PPP1R14C: variants seen among roughly 807,000 people sequenced by gnomAD.
PPP1R14C encodes the protein protein phosphatase 1 regulatory inhibitor subunit 14C, also known as protein phosphatase 1 regulatory subunit 14C.
Under a neutral mutation model 20.4 loss-of-function variants are expected in PPP1R14C, and 16 were observed. The ratio of observed to expected loss-of-function variants is 0.78; its 90% CI spans 0.53 to 1.19. The LOEUF (loss-of-function observed/expected upper bound fraction) is 1.19, where lower values mean the gene tolerates loss of function less well. Ranked by LOEUF, PPP1R14C falls within the 50% of genes most tolerant of loss-of-function variation. The probability of loss-of-function intolerance (pLI) is 0.00; values close to 1 mark genes in which losing one functional copy is unlikely to be tolerated. For missense variants in PPP1R14C, 211 were observed against 220.1 expected, an observed-to-expected ratio of 0.96 and a Z score of 0.26; for synonymous variants, 91 against 91.0, an observed-to-expected ratio of 1.00 and a Z score of 0.00.
intron 1 of PPP1R14C, among the ~76,000 whole-genome samples, chr6:150,179,148 G>A (rs1777593484): frequency 6.6e-6 from 1 of 152,170 alleles, no homozygotes; most frequent in Non-Finnish European, 1.5e-5. Flanking sequence ...GCTCATACCT[G>A]TAGTCCCAGC....
At chr6:150,215,780 C>A (rs2114911296) in intron 2 of PPP1R14C, among the ~76,000 whole-genome samples, 2 of 152,208 alleles carry the variant, frequency 1.3e-5, no homozygotes, top group Non-Finnish European at 2.9e-5. Context: ...AGTTTTTAAG[C>A]TATCATCACC....
At chr6:150,182,740 T>C (rs922034614) in intron 1 of PPP1R14C, among the ~76,000 whole-genome samples, 1 of 152,198 alleles carries the variant, frequency 6.6e-6, no homozygotes, top group African/African-American at 2.4e-5. Flanking sequence ...GTAGGTACAA[T>C]AGCCAGCCAT....
At chr6:150,170,488 A>C (rs1582901808) in intron 1 of PPP1R14C, among the ~76,000 whole-genome samples, 1 of 151,994 alleles carries the variant, frequency 6.6e-6, no homozygotes, top group African/African-American at 2.4e-5. Context: ...TGCCTGGCTA[A>C]TTTTTTTGTA....
At chr6:150,171,447 G>A (rs1365879241) in intron 1 of PPP1R14C, among the ~76,000 whole-genome samples, 3 of 152,148 alleles carry the variant, frequency 2.0e-5, no homozygotes, top group Non-Finnish European at 2.9e-5. Flanking sequence ...AAAGAGACCC[G>A]AGAGATCTTC....
At chr6:150,241,338 G>C (rs955774043) in intron 3 of PPP1R14C, among the ~76,000 whole-genome samples, 1 of 152,154 alleles carries the variant, frequency 6.6e-6, no homozygotes, top group African/African-American at 2.4e-5. Context: ...TTCATCTGCT[G>C]TTCATCTGTA....
intron 3 of PPP1R14C, among the ~76,000 whole-genome samples, chr6:150,222,247 A>C (rs1286200397): frequency 6.6e-6 from 1 of 150,686 alleles, no homozygotes; most frequent in Non-Finnish European, 1.5e-5. Flanking sequence ...GACATTTGTT[A>C]AATTCTTCAT....
At chr6:150,147,564 A>G (rs1340544292) in intron 1 of PPP1R14C, among the ~76,000 whole-genome samples, 3 of 152,212 alleles carry the variant, frequency 2.0e-5, no homozygotes, top group Admixed American at 6.5e-5. Flanking sequence ...GATAAGTCAT[A>G]TGAATATTTC....
intron 1 of PPP1R14C, among the ~76,000 whole-genome samples, chr6:150,202,280 T>C (rs967408379): frequency 2.0e-5 from 3 of 152,210 alleles, no homozygotes; most frequent in Admixed American, 2.0e-4. Flanking sequence ...GTCCCTCCCC[T>C]GTACCCCCAC....
At chr6:150,188,523 A>G (rs6921700) in intron 1 of PPP1R14C, among the ~76,000 whole-genome samples, 104,970 of 141,336 alleles carry the variant, frequency 0.74, 39,554 homozygotes, top group African/African-American at 0.9. Context: ...GTCTCGCCCT[A>G]TTGCCCAGGC....
chr6:150,247,606 A>C (rs1241044834), intron 3 of PPP1R14C, among the ~76,000 whole-genome samples: 2 of 152,220 alleles, frequency 1.3e-5, no homozygotes. Flanking sequence ...AGTATCCTGT[A>C]AGTTTTAATT....
At position 150,143,520 on chromosome 6, in the gene PPP1R14C, AG is replaced by A; in HGVS notation, c.306+25del. 3.1e-6 allele frequency: 2 copies of A among 645,620 alleles called. No individual in the cohort carries two copies. The highest frequency in any genetic ancestry group is 5.3e-6 in the Non-Finnish European group (2 of 375,100). The allele number at this position is 645,620 out of a possible 1,614,324, so 40.0% of individuals were successfully genotyped here. A position where few individuals can be genotyped will look rare whatever the true frequency, so the allele number is the denominator to read the frequency against. ...CGAGGTACCTGGGCGCGGGGCTGGG[AG>A]GGTCGGGGACCTCTCTAGCTCCTCT... is the stretch of plus-strand genomic sequence containing the variant. On this transcript the variant is annotated intron_variant, in intron 1 of 3. Transcript: ENST00000361131. This position sits in a 1 kb window ranked among gnomAD's most constrained non-coding sequence, Gnocchi z 5.6.
At chr6:150,246,391 C>T (rs1361643328) in intron 3 of PPP1R14C, among the ~76,000 whole-genome samples, 1 of 151,886 alleles carries the variant, frequency 6.6e-6, no homozygotes, top group African/African-American at 2.4e-5. Flanking sequence ...AGAATTGAAA[C>T]TGTATGTGCA....
In PPP1R14C at chr6:150,204,613, G is replaced by A. The variant is rs191440789; in HGVS notation, c.307-10131G>A. 8.6e-4 allele frequency among the ~76,000 whole-genome samples: 131 copies of A among 152,330 alleles called. 1 individual carries two copies. The highest frequency in any genetic ancestry group is 2.6e-3 in the African/African-American group (109 of 41,580). On this transcript the variant is annotated intron_variant, in intron 1 of 3. Transcript: ENST00000361131. Reference sequence around the variant, plus strand: ...AACGTGCGTGGGCATGATTGTGCCCGATTTCTATCCAGCCCCGAGAATTAG... The same window carrying A: ...AACGTGCGTGGGCATGATTGTGCCCAATTTCTATCCAGCCCCGAGAATTAG...
intron 1 of PPP1R14C, among the ~76,000 whole-genome samples, chr6:150,144,945 G>A (rs1020165603): frequency 1.3e-5 from 2 of 152,092 alleles, no homozygotes; most frequent in Non-Finnish European, 2.9e-5. Flanking sequence ...ATGAGTGGAT[G>A]TGCTCAGTCC....
intron 3 of PPP1R14C, among the ~76,000 whole-genome samples, chr6:150,231,891 G>A (rs970658643): frequency 6.6e-6 from 1 of 152,070 alleles, no homozygotes; most frequent in South Asian, 2.1e-4. Flanking sequence ...TTCTTCTGTT[G>A]ATACTCAGGC....
chr6:150,222,181 G>T (rs1778177098), intron 3 of PPP1R14C, among the ~76,000 whole-genome samples: 1 of 125,434 alleles, frequency 8.0e-6, no homozygotes, highest in African/African-American at 4.0e-5. Flanking sequence ...GCCGGGTGCT[G>T]ATCTAGTCAC....
At chr6:150,182,658 A>G (rs898724736) in intron 1 of PPP1R14C, among the ~76,000 whole-genome samples, 4 of 152,228 alleles carry the variant, frequency 2.6e-5, no homozygotes, top group African/African-American at 9.6e-5. Context: ...ACATGGACCT[A>G]CCTTATAACG....
intron 3 of PPP1R14C, among the ~76,000 whole-genome samples, chr6:150,248,534 G>C (rs559768126): frequency 4.6e-5 from 7 of 152,206 alleles, no homozygotes; most frequent in Non-Finnish European, 7.3e-5. Context: ...CCCCCGTAAA[G>C]AAAGTAGAAC....
chr6:150,207,872 A>G (rs1777972972), intron 1 of PPP1R14C, among the ~76,000 whole-genome samples: 1 of 152,152 alleles, frequency 6.6e-6, no homozygotes, highest in African/African-American at 2.4e-5. Flanking sequence ...AGAGGAACCA[A>G]TTTCCAACCT....
Sources: allele counts gnomAD v4.1 joint callset (sites outside exome capture counted in the v4.1 genomes callset), GRCh38; gene constraint gnomAD v4.1.1; non-coding constraint Gnocchi (gnomAD v3.1); transcripts MANE v1.5; gene names NCBI Gene and HGNC (gene_info 2026-07-23, HGNC 2026-07-21).